The following FHIP1A variants were observed in gnomAD, a reference collection of about 807,000 sequenced individuals.
The protein encoded by FHIP1A is FHF complex subunit HOOK interacting protein 1A.
FHIP1A carries 61 observed loss-of-function variants against 88.6 expected under a neutral mutation model. That is an observed-to-expected ratio of 0.69 (90% CI 0.56 to 0.85). FHIP1A has a LOEUF of 0.85. Ranked by LOEUF, FHIP1A falls within the 40% of genes least tolerant of loss-of-function variation. The pLI is 0.00. For synonymous variants in FHIP1A, 478 were observed against 496.0 expected, an observed-to-expected ratio of 0.96 and a Z score of 0.48; for missense variants, 1,154 against 1,273.5, an observed-to-expected ratio of 0.91 and a Z score of 1.43.
chr4:151,639,763 C>T (rs920324867), intron 9 of FHIP1A, among the ~76,000 whole-genome samples: 1 of 152,154 alleles, frequency 6.6e-6, no homozygotes, highest in African/African-American at 2.4e-5. Flanking sequence ...ACATGCTCTT[C>T]TGGTGGTGTG....
At chr4:151,480,203 G>A (rs1729843856) in intron 2 of FHIP1A, among the ~76,000 whole-genome samples, 1 of 152,042 alleles carries the variant, frequency 6.6e-6, no homozygotes, top group African/African-American at 2.4e-5. Context: ...GGCTTCCTTT[G>A]AAGTCATGAA....
intron 2 of FHIP1A, among the ~76,000 whole-genome samples, chr4:151,461,323 G>C (rs1425765661): frequency 6.6e-6 from 1 of 152,140 alleles, no homozygotes; most frequent in Non-Finnish European, 1.5e-5. Flanking sequence ...GAATAGGAGA[G>C]GGCCAGGTTT....
intron 3 of FHIP1A, among the ~76,000 whole-genome samples, chr4:151,522,088 A>G (rs1259249397): frequency 6.6e-6 from 1 of 152,226 alleles, no homozygotes; most frequent in Non-Finnish European, 1.5e-5. Flanking sequence ...CTATCACTCT[A>G]TGATCTATTA....
intron 3 of FHIP1A, among the ~76,000 whole-genome samples, chr4:151,492,057 G>A (rs1730301563): frequency 6.6e-6 from 1 of 151,968 alleles, no homozygotes; most frequent in African/African-American, 2.4e-5. Flanking sequence ...TAATAGTGAG[G>A]GACTTCAGTA....
intron 7 of FHIP1A, among the ~76,000 whole-genome samples, chr4:151,617,107 T>C (rs1735569451): frequency 6.6e-6 from 1 of 152,072 alleles, no homozygotes; most frequent in Non-Finnish European, 1.5e-5. Flanking sequence ...AGGGACAGGC[T>C]CAATCCCAAG....
intron 5 of FHIP1A, among the ~76,000 whole-genome samples, chr4:151,584,467 C>T (rs1415647102): frequency 6.6e-6 from 1 of 152,180 alleles, no homozygotes; most frequent in African/African-American, 2.4e-5. Flanking sequence ...CCCACACCTC[C>T]TTCTGACTTT....
intron 3 of FHIP1A, among the ~76,000 whole-genome samples, chr4:151,515,270 C>G (rs1298794549): frequency 1.3e-5 from 2 of 149,912 alleles, no homozygotes; most frequent in Non-Finnish European, 3.0e-5. Flanking sequence ...ATGCTAAAAA[C>G]TCTCAATAAA....
intron 1 of FHIP1A, among the ~76,000 whole-genome samples, chr4:151,430,017 A>T (rs1561491347): frequency 6.6e-6 from 1 of 152,196 alleles, no homozygotes; most frequent in South Asian, 2.1e-4. Flanking sequence ...AATTGTTCCT[A>T]AAATGTTTAG....
chr4:151,614,120 G>A (rs1440934312), intron 7 of FHIP1A, among the ~76,000 whole-genome samples: 5 of 149,868 alleles, frequency 3.3e-5, no homozygotes, highest in African/African-American at 4.9e-5. Context: ...CTGAGATTGT[G>A]CCATTGCACT....
intron 1 of FHIP1A, among the ~76,000 whole-genome samples, chr4:151,429,774 G>C (rs1733524094): frequency 6.6e-6 from 1 of 150,496 alleles, no homozygotes. Flanking sequence ...GCTTGAATAC[G>C]GGAGGCGGAG....
intron 13 of FHIP1A, among the ~76,000 whole-genome samples, chr4:151,661,270 C>T (rs1231950680): frequency 2.0e-5 from 3 of 152,078 alleles, no homozygotes; most frequent in Admixed American, 2.0e-4. Flanking sequence ...CTTTTGTGCT[C>T]ACTCTGTTGC....
At chr4:151,546,861 A>G (rs1468961757) in intron 3 of FHIP1A, among the ~76,000 whole-genome samples, 1 of 152,198 alleles carries the variant, frequency 6.6e-6, no homozygotes, top group Admixed American at 6.5e-5. Flanking sequence ...TTTAGAGCCT[A>G]AATCTTGTTT....
At chr4:151,619,271 A>G (rs1735651473) in intron 7 of FHIP1A, among the ~76,000 whole-genome samples, 1 of 152,206 alleles carries the variant, frequency 6.6e-6, no homozygotes, top group South Asian at 2.1e-4. Flanking sequence ...AATTAAAACA[A>G]TTTTTGGTTT....
At chr4:151,488,330 C>G (rs1176893798) in intron 3 of FHIP1A, among the ~76,000 whole-genome samples, 1 of 152,190 alleles carries the variant, frequency 6.6e-6, no homozygotes, top group Non-Finnish European at 1.5e-5. Context: ...CCCTCACTCT[C>G]TCTCCACTCT....
At chr4:151,545,199 GA>G (rs1224126942) in intron 3 of FHIP1A, among the ~76,000 whole-genome samples, 2 of 152,156 alleles carry the variant, frequency 1.3e-5, no homozygotes, top group African/African-American at 4.8e-5. Context: ...AATGTGGAAT[GA>G]AAAGTAAATG....
intron 1 of FHIP1A, among the ~76,000 whole-genome samples, chr4:151,417,948 T>C (rs994107879): frequency 5.9e-5 from 9 of 151,934 alleles, no homozygotes; most frequent in African/African-American, 1.9e-4. Flanking sequence ...GGTAGGAAGA[T>C]TGCTTGAGGC....
chr4:151,445,870 A>G (rs1234830732), intron 1 of FHIP1A, among the ~76,000 whole-genome samples: 2 of 142,428 alleles, frequency 1.4e-5, no homozygotes, highest in African/African-American at 5.2e-5. Context: ...ATATATATAT[A>G]TATTTCATAT....
In FHIP1A at chr4:151,422,707, G is replaced by A. The variant is rs532288616; in HGVS notation, c.-356+13242G>A. Among the ~76,000 whole-genome samples, 5 of 152,230 alleles carry A rather than the reference G, an allele frequency of 3.3e-5. No individual in the cohort carries two copies. The East Asian group carries it at 7.7e-4, about 24-fold the overall frequency. On this transcript the variant is annotated intron_variant, in intron 1 of 13. Coordinates refer to ENST00000435205, the MANE Select transcript of FHIP1A (RefSeq NM_001109977.3). ...CGCCTGGCCAGAGACACTTTTCAGT[G>A]GAGGTACTTCACTAGATCCTGAAAA...
At chr4:151,662,445 A>C in intron 13 of FHIP1A, 56 bp from the exon 14 acceptor site, 1 of 1,453,264 alleles carries the variant, frequency 6.9e-7, no homozygotes, top group Non-Finnish European at 9.1e-7. Context: ...TTCACTGAAG[A>C]GGGTGGATTA....
Sources: gnomAD v4.1 joint callset for allele counts (sites outside exome capture counted in the v4.1 genomes callset) on GRCh38, gnomAD v4.1.1 for gene constraint, MANE v1.5 for transcripts, NCBI Gene and HGNC (gene_info 2026-07-23, HGNC 2026-07-21) for gene names.